AAMP: variants seen among roughly 807,000 people sequenced by gnomAD.
AAMP encodes angio associated migratory cell protein.
A neutral mutation model predicts 51.1 loss-of-function variants in AAMP; 12 were observed. The observed-to-expected ratio is 0.23, with a 90% CI of 0.15 to 0.38. The LOEUF is 0.38. AAMP is among the 10% of genes least tolerant of loss of function. The probability of loss-of-function intolerance (pLI) is 1.00; values close to 1 mark genes in which losing one functional copy is unlikely to be tolerated. For synonymous variants in AAMP, 210 were observed against 218.7 expected (o/e 0.96, Z 0.35); for missense variants, 418 against 557.2 (o/e 0.75, Z 2.52).
Position 218,269,906 on chromosome 2 carries a change from G to A in AAMP, c.121+60C>T, listed in dbSNP as rs964325792. The A allele has an allele frequency of 1.6e-5, 25 of 1,608,046 alleles. No homozygotes were observed. The East Asian group carries it at 4.9e-4, about 32-fold the overall frequency. ...TGTGGAGGGGAGCGGGGAAAAGCAG[G>A]AGTCAGAGGCCAGGGGTGAGCGTCT... On this transcript the variant is annotated intron_variant, in intron 1 of 10. Transcript: ENST00000248450.
At position 218,264,602 on chromosome 2, in the gene AAMP, G is replaced by A. The variant is rs1338477747; in HGVS notation, c.1236C>T (p.Ala412=). The change falls in exon 11 of 11, where the codon GCC becomes GCT. Residue 412 remains alanine (A), a synonymous_variant. Coordinates refer to ENST00000248450, the MANE Select transcript of AAMP (RefSeq NM_001087.5). ...EILDFALSKD[A]SLVVTTSGDH... ...CTCCTGACGTGGTCACCACCAGGGA[G>A]GCATCTCTGTAAACAGAAAGCATGT... is the stretch of plus-strand genomic sequence containing the variant. 2.5e-6 allele frequency: 4 copies of A among 1,613,946 alleles called. No individual in the cohort carries two copies. In the Admixed American group the frequency reaches 6.7e-5, roughly 27 times the overall value.
chr2:218,264,147 T>C lies in AAMP; in HGVS notation c.*386A>G, dbSNP rs1690557531. On this transcript the variant is annotated 3_prime_UTR_variant, in exon 11 of 11. Coordinates refer to ENST00000248450, the MANE Select transcript of AAMP (RefSeq NM_001087.5). ...CTCTGTCTCTGGGAAGTATATTTTA[T>C]TTACATTTTTAAAATCTTTAACTAG... 2 of 331,100 alleles carry C rather than the reference T, an allele frequency of 6.0e-6. No individual in the cohort carries two copies. The highest frequency in any genetic ancestry group is 8.8e-5 in the South Asian group (2 of 22,756). The allele number at this position is 331,100 out of a possible 1,614,324, so 20.5% of individuals were successfully genotyped here.
Position 218,265,534 on chromosome 2 carries a change from C to CA in AAMP, c.983+44dup, listed in dbSNP as rs1690604802. 21 of 1,595,892 alleles carry CA rather than the reference C, an allele frequency of 1.3e-5. No individual in the cohort carries two copies. The highest frequency in any genetic ancestry group is 1.5e-5 in the Non-Finnish European group (18 of 1,163,854). ...ACGCCCTGCCGTCCTCCCGGGCCCC[C>CA]AGCCCAGGCCCCTCCCACAAACCCC... On this transcript the variant is annotated intron_variant, in intron 8 of 10. Coordinates refer to ENST00000248450, the MANE Select transcript of AAMP (RefSeq NM_001087.5). The surrounding 1 kb of genome is among the most constrained non-coding windows in gnomAD (Gnocchi z 6.6).
In AAMP at chr2:218,267,202, T is replaced by C. The variant is rs1009808250; in HGVS notation, c.395-216A>G. On this transcript the variant is annotated intron_variant, in intron 3 of 10. Coordinates refer to ENST00000248450, the MANE Select transcript of AAMP (RefSeq NM_001087.5). This position sits in a 1 kb window ranked among gnomAD's most constrained non-coding sequence, Gnocchi z 4.6. ...CTGGCCCTCACTCAACCAGACCAAG[T>C]CCCAGCCTCCTATGCCTTCCCCCTT... Among the ~76,000 whole-genome samples the C allele has an allele frequency of 6.6e-6, 1 of 152,114 alleles. No individual in the cohort carries two copies. Among genetic ancestry groups the C allele is most frequent in the African/African-American group, 2.4e-5 (1 of 41,420 alleles).
In AAMP at chr2:218,265,388, G is replaced by A. The variant is rs751931720; in HGVS notation, c.1057C>T (p.His353Tyr). 1.3e-6 allele frequency: 2 copies of A among 1,559,958 alleles called. No homozygotes were observed. Among genetic ancestry groups the A allele is most frequent in the African/African-American group, 1.4e-5 (1 of 73,760 alleles). Residue 353 changes from histidine (H) to tyrosine (Y), a missense_variant, in exon 9 of 11, where the codon CAT becomes TAT. Physicochemically the swap from His to Tyr is moderately conservative, Grantham distance 83 (BLOSUM62 2). Transcript: ENST00000248450. This position sits in a 1 kb window ranked among gnomAD's most constrained non-coding sequence, Gnocchi z 6.6. The part of the protein sequence containing the change: ...IYDLATQTLR[H>Y]QCQHQSGIVQ... ...GCCCATACCTGGTGCTGACACTGATGCCTAAGAGTCTGCGTAGCCAGGTCA... is the reference window on the plus strand; with the variant it reads ...GCCCATACCTGGTGCTGACACTGATACCTAAGAGTCTGCGTAGCCAGGTCA...
At chr2:218,268,672 T>C (rs889513302) in intron 2 of AAMP, among the ~76,000 whole-genome samples, 9 of 151,694 alleles carry the variant, frequency 5.9e-5, no homozygotes, top group Admixed American at 3.3e-4. Context: ...TCACTACTTT[T>C]ATTAACTTTT....
Position 218,267,525 on chromosome 2 carries a change from G to A in AAMP, c.363C>T (p.Leu121=), listed in dbSNP as rs751389270. The change falls in exon 3 of 11, where the codon CTC becomes CTT. Residue 121 remains leucine (L), a synonymous_variant. Coordinates refer to ENST00000248450, the MANE Select transcript of AAMP (RefSeq NM_001087.5). The surrounding 1 kb of genome is among the most constrained non-coding windows in gnomAD (Gnocchi z 4.6). ...ACTCAAAGAGCAGCTCCCCATCGCT[G>A]AGCCGCCATACGAAGGCTTTGTCAT... is the stretch of plus-strand genomic sequence containing the variant. The part of the protein sequence containing the change: ...GEDDKAFVWR[L]SDGELLFECA... The A allele has an allele frequency of 1.9e-6, 3 of 1,614,108 alleles. No homozygotes were observed. The highest frequency in any genetic ancestry group is 2.2e-5 in the East Asian group (1 of 44,878).
Position 218,267,637 on chromosome 2 carries a change from G to A in AAMP, c.275-24C>T, listed in dbSNP as rs1690665222. The stretch of plus-strand genomic sequence containing the variant: ...TGCTGTCCCAAGAGATATTCCATGG[G>A]TAAGGGGACAGAGCTCCCACCTAGG... On this transcript the variant is annotated intron_variant, in intron 2 of 10. Transcript: ENST00000248450. The surrounding 1 kb of genome is among the most constrained non-coding windows in gnomAD (Gnocchi z 4.6). 6.2e-7 allele frequency: 1 copy of A among 1,614,030 alleles called. No individual in the cohort carries two copies. Among genetic ancestry groups the A allele is most frequent in the Non-Finnish European group, 8.5e-7 (1 of 1,179,944 alleles).
chr2:218,267,102 G>C lies in AAMP; in HGVS notation c.395-116C>G. The C allele has an allele frequency of 1.6e-6, 2 of 1,226,450 alleles. No individual in the cohort carries two copies. The highest frequency in any genetic ancestry group is 2.3e-6 in the Non-Finnish European group (2 of 873,068). 76.0% of individuals were successfully genotyped at this position (1,226,450 alleles called of 1,614,324 possible). A position where few individuals can be genotyped will look rare whatever the true frequency, so the allele number is the denominator to read the frequency against. On this transcript the variant is annotated intron_variant, in intron 3 of 10. Transcript: ENST00000248450. This position sits in a 1 kb window ranked among gnomAD's most constrained non-coding sequence, Gnocchi z 4.6. ...ACCAGCTAGGAAAAAAAGAGGGGCG[G>C]GACTGAGCAGAACAGGTGCTGGAAC... is the stretch of plus-strand genomic sequence containing the variant.
At chr2:218,269,556 A>T (rs1265823446) in intron 1 of AAMP, 22 bp from the exon 2 acceptor site, 1 of 1,614,104 alleles carries the variant, frequency 6.2e-7, no homozygotes, top group Non-Finnish European at 8.5e-7. Flanking sequence ...AGAGGGTTAG[A>T]AGATGGGGCT....
Position 218,266,262 on chromosome 2 carries a change from A to G in AAMP, c.680-115T>C, listed in dbSNP as rs923294148. On this transcript the variant is annotated intron_variant, in intron 5 of 10. Coordinates refer to ENST00000248450, the MANE Select transcript of AAMP (RefSeq NM_001087.5). This position sits in a 1 kb window ranked among gnomAD's most constrained non-coding sequence, Gnocchi z 4.7. ...GAAGGGCCCAGACACTGCCCCAGGA[A>G]TCACAGGTGAGTTCAGAGCAGGAAG... is the stretch of plus-strand genomic sequence containing the variant. 3.8e-6 allele frequency: 5 copies of G among 1,309,192 alleles called. No individual in the cohort carries two copies. Among genetic ancestry groups the G allele is most frequent in the African/African-American group, 1.5e-5 (1 of 68,758 alleles). 81.1% of individuals were successfully genotyped at this position (1,309,192 alleles called of 1,614,324 possible). A position where few individuals can be genotyped will look rare whatever the true frequency, so the allele number is the denominator to read the frequency against.
Position 218,266,311 on chromosome 2 carries a change from C to T in AAMP, c.679+132G>A. On this transcript the variant is annotated intron_variant, in intron 5 of 10. Transcript: ENST00000248450. This position sits in a 1 kb window ranked among gnomAD's most constrained non-coding sequence, Gnocchi z 4.7. ...AGGAGGCGCTGTGAACTTTGGGGCC[C>T]AGGAGGTCAGCACTGCAAACAGCAG... The T allele has an allele frequency of 7.1e-7, 1 of 1,400,774 alleles. No individual in the cohort carries two copies. The highest frequency in any genetic ancestry group is 2.3e-5 in the East Asian group (1 of 42,746). The allele number at this position is 1,400,774 out of a possible 1,614,324, so 86.8% of individuals were successfully genotyped here. A position where few individuals can be genotyped will look rare whatever the true frequency, so the allele number is the denominator to read the frequency against.
chr2:218,269,759 T>A, intron 1 of AAMP: 1 of 992,586 alleles, frequency 1.0e-6, no homozygotes, highest in Non-Finnish European at 1.5e-6. Flanking sequence ...AGGGGGTGTG[T>A]GAGGGGAAGG....
chr2:218,265,534 C>T lies in AAMP; in HGVS notation c.983+45G>A, dbSNP rs769188583. On this transcript the variant is annotated intron_variant, in intron 8 of 10. Coordinates refer to ENST00000248450, the MANE Select transcript of AAMP (RefSeq NM_001087.5). This position sits in a 1 kb window ranked among gnomAD's most constrained non-coding sequence, Gnocchi z 6.6. ...ACGCCCTGCCGTCCTCCCGGGCCCC[C>T]AGCCCAGGCCCCTCCCACAAACCCC... 1 of 1,595,892 alleles carries T rather than the reference C, an allele frequency of 6.3e-7. No individual in the cohort carries two copies. The highest frequency in any genetic ancestry group is 8.6e-7 in the Non-Finnish European group (1 of 1,163,854).
chr2:218,266,507 A>G lies in AAMP; in HGVS notation c.615T>C (p.Asn205=). The G allele has an allele frequency of 1.9e-6, 3 of 1,614,036 alleles. No individual in the cohort carries two copies. The highest frequency in any genetic ancestry group is 2.5e-6 in the Non-Finnish European group (3 of 1,180,006). ...DGNTWMWKVP[N]GDCKTFQGPN... Reference sequence around the variant, plus strand: ...GACCCTGGAAGGTCTTGCAGTCACCATTCGGGACTTTCCACATCCAGGTGT... The same window carrying G: ...GACCCTGGAAGGTCTTGCAGTCACCGTTCGGGACTTTCCACATCCAGGTGT... The change falls in exon 5 of 11, where the codon AAT becomes AAC. Residue 205 remains asparagine (N), a synonymous_variant. Transcript: ENST00000248450. This position sits in a 1 kb window ranked among gnomAD's most constrained non-coding sequence, Gnocchi z 4.7.
chr2:218,270,058 G>C lies in AAMP; in HGVS notation c.29C>G (p.Ala10Gly), dbSNP rs1402467147. Residue 10 changes from alanine to glycine, a missense_variant, in exon 1 of 11, where the codon GCT (alanine) becomes GGT (glycine). Coordinates refer to ENST00000248450, the MANE Select transcript of AAMP (RefSeq NM_001087.5). ...GGTCTCCAGTGGGGGGGTGTCAGCA[G>C]CAGCCCCGCTTTCCGATTCGGACTC... MESESESGA[A>G]ADTPPLETLS... The C allele has an allele frequency of 6.2e-7, 1 of 1,613,950 alleles. No homozygotes were observed. The highest frequency in any genetic ancestry group is 8.5e-7 in the Non-Finnish European group (1 of 1,179,992).
Position 218,269,413 on chromosome 2 carries a change from G to A in AAMP, c.243C>T (p.Asp81=). The A allele has an allele frequency of 1.2e-6, 2 of 1,614,150 alleles. No individual in the cohort carries two copies. The highest frequency in any genetic ancestry group is 4.5e-5 in the East Asian group (2 of 44,876). Residue 81 remains aspartate (D), a synonymous_variant, in exon 2 of 11, where the codon GAC becomes GAT. Coordinates refer to ENST00000248450, the MANE Select transcript of AAMP (RefSeq NM_001087.5). ...EGVVGSMEGP[D]DSEVTFALHS... is the part of the protein sequence containing the mutation. ...GCAATGCAAAGGTGACCTCGCTATC[G>A]TCGGGGCCCTCCATGCTGCCGACCA...
chr2:218,268,744 GC>G (rs1456391498), intron 2 of AAMP, among the ~76,000 whole-genome samples: 1 of 147,528 alleles, frequency 6.8e-6, no homozygotes, highest in African/African-American at 2.5e-5. Context: ...TGTTGCCCAG[GC>G]TGGAGTGCAA....
In AAMP at chr2:218,267,485, C is replaced by T. The variant is rs193189877; in HGVS notation, c.394+9G>A. The T allele has an allele frequency of 6.5e-4, 1,043 of 1,614,036 alleles. 3 individuals are homozygous for T. The highest frequency in any genetic ancestry group is 1.0e-3 in the South Asian group (94 of 91,076). Reference sequence around the variant, plus strand: ...GACCTCTCCCAGGCCTCTACCCCAGCCCCCTCACCTGCACACTCAAAGAGC... The same window carrying T: ...GACCTCTCCCAGGCCTCTACCCCAGTCCCCTCACCTGCACACTCAAAGAGC... On this transcript the variant is annotated intron_variant, in intron 3 of 10. Coordinates refer to ENST00000248450, the MANE Select transcript of AAMP (RefSeq NM_001087.5). This position sits in a 1 kb window ranked among gnomAD's most constrained non-coding sequence, Gnocchi z 4.6.
Sources: gnomAD v4.1 joint callset for allele counts (sites outside exome capture counted in the v4.1 genomes callset) on GRCh38, gnomAD v4.1.1 for gene constraint, Gnocchi (gnomAD v3.1) non-coding constraint, MANE v1.5 for transcripts, NCBI Gene and HGNC (gene_info 2026-07-23, HGNC 2026-07-21) for gene names.